The following PTPRD variants were observed in gnomAD, a reference collection of about 807,000 sequenced individuals.
PTPRD encodes protein tyrosine phosphatase receptor type D.
PTPRD carries 34 observed loss-of-function variants against 214.5 expected under a neutral mutation model. The observed-to-expected ratio is 0.16, with a 90% CI of 0.12 to 0.21. The LOEUF (loss-of-function observed/expected upper bound fraction) is 0.21. Ranked by LOEUF, PTPRD falls within the 10% of genes least tolerant of loss-of-function variation. The pLI, the probability that PTPRD is intolerant of heterozygous loss-of-function variation, is 1.00. For synonymous variants in PTPRD, 1,128 were observed against 845.7 expected (o/e 1.33, Z -5.79); for missense variants, 2,545 against 2,398.7 (o/e 1.06, Z -1.27).
chr9:8,437,371 C>T (rs2095394575), intron 34 of PTPRD: 3 of 680,890 alleles, frequency 4.4e-6, no homozygotes, highest in African/African-American at 3.6e-5. Flanking sequence ...ATTCACTATA[C>T]ATTGTGGCTA....
chr9:9,801,838 C>T (rs1371001814), intron 5 of PTPRD, among the ~76,000 whole-genome samples: 1 of 152,000 alleles, frequency 6.6e-6, no homozygotes, highest in Non-Finnish European at 1.5e-5. Flanking sequence ...CAGAAGGATG[C>T]CCTTTAAGGC....
chr9:9,391,814 G>C (rs1004445011), intron 9 of PTPRD, among the ~76,000 whole-genome samples: 8 of 152,054 alleles, frequency 5.3e-5, no homozygotes, highest in African/African-American at 7.2e-5. Context: ...TCTGTGTTAA[G>C]AAAAAGCAAA....
rs1396895991 is a variant in PTPRD, at chr9:9,034,637, T to C, written c.-142-15902A>G. Among the ~76,000 whole-genome samples the C allele has an allele frequency of 3.9e-5, 6 of 152,090 alleles. No homozygotes were observed. In the South Asian group the frequency reaches 1.0e-3, roughly 26 times the overall value. ...TTTCTTCCAAATCTAAATTCATATGTAGTGGCTGCAGTGTAGTCAGACTGT... is the reference window on the plus strand; with the variant it reads ...TTTCTTCCAAATCTAAATTCATATGCAGTGGCTGCAGTGTAGTCAGACTGT... On this transcript the variant is annotated intron_variant, in intron 10 of 45. Coordinates refer to ENST00000381196, the MANE Select transcript of PTPRD (RefSeq NM_002839.4).
chr9:9,277,279 T>G (rs1222880069), intron 9 of PTPRD, among the ~76,000 whole-genome samples: 1 of 151,388 alleles, frequency 6.6e-6, no homozygotes, highest in Non-Finnish European at 1.5e-5. Context: ...AGTATGGTTG[T>G]GTCTTAAAAT....
intron 9 of PTPRD, among the ~76,000 whole-genome samples, chr9:9,323,148 T>G (rs943529897): frequency 7.2e-5 from 11 of 152,118 alleles, no homozygotes; most frequent in African/African-American, 2.7e-4. Flanking sequence ...GCTATTGTAT[T>G]ATAGAGCAAG....
chr9:9,986,806 A>T (rs1033504157), intron 4 of PTPRD, among the ~76,000 whole-genome samples: 2 of 152,192 alleles, frequency 1.3e-5, no homozygotes, highest in African/African-American at 4.8e-5. Context: ...TCAATAATAC[A>T]AGATGAACAA....
At chr9:8,756,147 G>A (rs114100685) in intron 11 of PTPRD, among the ~76,000 whole-genome samples, 1 of 152,288 alleles carries the variant, frequency 6.6e-6, no homozygotes, top group African/African-American at 2.4e-5. Context: ...AACCGAGACA[G>A]TCAAAGAACC....
intron 5 of PTPRD, among the ~76,000 whole-genome samples, chr9:9,888,334 G>C (rs2071774495): frequency 6.6e-6 from 1 of 152,158 alleles, no homozygotes; most frequent in Non-Finnish European, 1.5e-5. Flanking sequence ...ACATTGCCTT[G>C]TGAAGACAAG....
At chr9:8,923,110 C>T (rs116320709) in intron 11 of PTPRD, among the ~76,000 whole-genome samples, 6,524 of 150,948 alleles carry the variant, frequency 0.043, 504 homozygotes, top group African/African-American at 0.15. Context: ...GGTGTGGTCT[C>T]GGTTCACTGA....
intron 30 of PTPRD, among the ~76,000 whole-genome samples, chr9:8,472,960 A>G (rs2096684840): frequency 1.3e-5 from 2 of 152,032 alleles, no homozygotes; most frequent in Admixed American, 1.3e-4. Context: ...ATATGGGGGG[A>G]AATAAACCAG....
intron 7 of PTPRD, among the ~76,000 whole-genome samples, chr9:9,603,066 A>G (rs917789341): frequency 2.0e-5 from 3 of 152,206 alleles, no homozygotes; most frequent in African/African-American, 7.2e-5. Context: ...ATTGAAATTA[A>G]TCTGTGAACG....
chr9:10,144,478 G>A lies in PTPRD; in HGVS notation c.-544-110688C>T, dbSNP rs183061636. Among the ~76,000 whole-genome samples the A allele has an allele frequency of 5.5e-4, 83 of 152,146 alleles. 1 individual carries two copies. Among genetic ancestry groups the A allele is most frequent in the African/African-American group, 2.0e-3 (81 of 41,528 alleles). On this transcript the variant is annotated intron_variant, in intron 3 of 45. Coordinates refer to ENST00000381196, the MANE Select transcript of PTPRD (RefSeq NM_002839.4). ...GCTGTATTCCCCCTGCTCTTAGGTA[G>A]GATGAATATAAAAGGCAACCCACAT...
chr9:9,084,970 A>T (rs567109451), intron 10 of PTPRD, among the ~76,000 whole-genome samples: 4 of 152,314 alleles, frequency 2.6e-5, no homozygotes, highest in South Asian at 4.1e-4. Flanking sequence ...AGACAGGGAA[A>T]GATTATTTTT....
intron 8 of PTPRD, among the ~76,000 whole-genome samples, chr9:9,462,177 C>T (rs957120772): frequency 6.6e-6 from 1 of 151,988 alleles, no homozygotes; most frequent in Admixed American, 6.6e-5. Context: ...CTTTCAATAT[C>T]GGGAATCTAA....
intron 10 of PTPRD, among the ~76,000 whole-genome samples, chr9:9,119,767 A>G: frequency 6.6e-6 from 1 of 151,648 alleles, no homozygotes; most frequent in African/African-American, 2.4e-5. Flanking sequence ...CAGATGATCC[A>G]CTGGCCTCAG....
intron 12 of PTPRD, chr9:8,713,489 A>C (rs2098390087): frequency 6.2e-6 from 7 of 1,133,442 alleles, no homozygotes; most frequent in Non-Finnish European, 9.3e-6. Context: ...TCTTCAGGGG[A>C]GACTGTCTAC....
At chr9:10,346,142 C>G (rs534145446) in intron 2 of PTPRD, among the ~76,000 whole-genome samples, 1 of 152,244 alleles carries the variant, frequency 6.6e-6, no homozygotes, top group South Asian at 2.1e-4. Flanking sequence ...ATTCTAAGCT[C>G]AAAATGCTTA....
chr9:8,832,720 G>A (rs1458701203), intron 11 of PTPRD, among the ~76,000 whole-genome samples: 1 of 151,970 alleles, frequency 6.6e-6, no homozygotes, highest in African/African-American at 2.4e-5. Context: ...TCTTTCAACT[G>A]TAAAACTAAT....
At chr9:9,529,806 A>G (rs1469909804) in intron 8 of PTPRD, among the ~76,000 whole-genome samples, 1 of 151,706 alleles carries the variant, frequency 6.6e-6, no homozygotes, top group Non-Finnish European at 1.5e-5. Context: ...ATATAAATAT[A>G]TTTACATGCA....
Sources: gnomAD v4.1 joint callset for allele counts (sites outside exome capture counted in the v4.1 genomes callset) on GRCh38, gnomAD v4.1.1 for gene constraint, MANE v1.5 for transcripts, NCBI Gene and HGNC (gene_info 2026-07-23, HGNC 2026-07-21) for gene names.